Variants in LUZP2 observed in about 807,000 individuals in gnomAD.
The protein encoded by LUZP2 is leucine zipper protein 2.
In LUZP2, 52 loss-of-function variants were observed where a neutral mutation model predicts 51.6. That is an observed-to-expected ratio of 1.01 (90% confidence interval 0.81 to 1.27). LUZP2 has a LOEUF of 1.27. Among genes scored for constraint, LUZP2 ranks in the 50% most tolerant of loss-of-function variants. The probability of loss-of-function intolerance (pLI) is 0.00; values close to 1 mark genes in which losing one functional copy is unlikely to be tolerated. For synonymous variants in LUZP2, 154 were observed against 137.3 expected (o/e 1.12, Z -0.85); for missense variants, 436 against 395.4 (o/e 1.10, Z -0.87).
intron 10 of LUZP2, among the ~76,000 whole-genome samples, chr11:25,068,690 C>A (rs1446159): frequency 0.9 from 136,664 of 151,998 alleles, 62,430 homozygotes; most frequent in Non-Finnish European, 0.98. Flanking sequence ...TTCTTAGAAA[C>A]ATAGACATGT....
chr11:24,703,030 A>G (rs951597114), intron 1 of LUZP2, among the ~76,000 whole-genome samples: 32 of 152,324 alleles, frequency 2.1e-4, no homozygotes, highest in African/African-American at 7.2e-4. Flanking sequence ...GCAAGTTAAG[A>G]CAGAGGAGAC....
At chr11:24,780,703 T>C (rs1342574129) in intron 5 of LUZP2, among the ~76,000 whole-genome samples, 1 of 152,102 alleles carries the variant, frequency 6.6e-6, no homozygotes, top group Admixed American at 6.6e-5. Flanking sequence ...ATTATGTCAC[T>C]CAATTTGAAC....
chr11:24,967,437 A>T (rs1283220379), intron 7 of LUZP2, among the ~76,000 whole-genome samples: 2 of 151,682 alleles, frequency 1.3e-5, no homozygotes, highest in Admixed American at 1.3e-4. Context: ...TTCTTCATTA[A>T]ATTTTTTCCT....
At chr11:24,650,513 A>G (rs10742050) in intron 1 of LUZP2, among the ~76,000 whole-genome samples, 145,682 of 152,034 alleles carry the variant, frequency 0.96, 70,093 homozygotes, top group East Asian at 1. Context: ...AGTAATTGGA[A>G]GGAGATCTTC....
chr11:24,569,283 T>C (rs1852347977), intron 1 of LUZP2, among the ~76,000 whole-genome samples: 1 of 151,980 alleles, frequency 6.6e-6, no homozygotes, highest in African/African-American at 2.4e-5. Context: ...AAAAATTAAT[T>C]CAGCATATAG....
intron 7 of LUZP2, among the ~76,000 whole-genome samples, chr11:24,926,783 G>T (rs2133827224): frequency 6.6e-6 from 1 of 151,492 alleles, no homozygotes; most frequent in Admixed American, 6.6e-5. Flanking sequence ...TCAAATGGTA[G>T]ATCTACATTT....
chr11:24,870,484 C>CAA (rs759882414), intron 5 of LUZP2, among the ~76,000 whole-genome samples: 1 of 22,420 alleles, frequency 4.5e-5, no homozygotes, highest in Non-Finnish European at 9.6e-5. Flanking sequence ...CACACACACA[C>CAA]ACACAGACAC....
chr11:24,532,270 T>A (rs10834367), intron 1 of LUZP2, among the ~76,000 whole-genome samples: 28,630 of 138,934 alleles, frequency 0.21, 2,908 homozygotes, highest in African/African-American at 0.31. Flanking sequence ...TTTAAAAAAA[T>A]AAGAATAATT....
At chr11:24,522,191 T>A (rs1850661801) in intron 1 of LUZP2, among the ~76,000 whole-genome samples, 1 of 152,144 alleles carries the variant, frequency 6.6e-6, no homozygotes, top group Non-Finnish European at 1.5e-5. Context: ...GGACTCATCT[T>A]CTTTGTGTCT....
At chr11:25,001,520 G>T (rs1018430578) in intron 9 of LUZP2, among the ~76,000 whole-genome samples, 1 of 152,152 alleles carries the variant, frequency 6.6e-6, no homozygotes, top group African/African-American at 2.4e-5. Flanking sequence ...GCTATGGGTT[G>T]TCAGTGACCT....
At chr11:24,632,733 T>A (rs1056124520) in intron 1 of LUZP2, among the ~76,000 whole-genome samples, 3 of 151,780 alleles carry the variant, frequency 2.0e-5, no homozygotes, top group Admixed American at 6.6e-5. Flanking sequence ...CTGAACTTAA[T>A]CTCAAGAGGA....
chr11:24,727,807 A>T (rs1858535852), intron 1 of LUZP2, among the ~76,000 whole-genome samples: 1 of 151,950 alleles, frequency 6.6e-6, no homozygotes, highest in Non-Finnish European at 1.5e-5. Context: ...CCTTTTAATG[A>T]GAAGAATGTG....
At chr11:24,517,378 C>T (rs1203997574) in intron 1 of LUZP2, among the ~76,000 whole-genome samples, 3 of 145,878 alleles carry the variant, frequency 2.1e-5, no homozygotes, top group Admixed American at 7.1e-5. Context: ...CCCAGCTACT[C>T]GGGAGGCTGA....
intron 4 of LUZP2, among the ~76,000 whole-genome samples, chr11:24,744,225 T>A (rs1859289802): frequency 6.6e-6 from 1 of 152,214 alleles, no homozygotes; most frequent in African/African-American, 2.4e-5. Flanking sequence ...GCTGGCTTCA[T>A]AGAATAAATT....
chr11:24,938,765 T>C (rs1590753421), intron 7 of LUZP2, among the ~76,000 whole-genome samples: 2 of 152,206 alleles, frequency 1.3e-5, no homozygotes, highest in Non-Finnish European at 2.9e-5. Context: ...AGGAGTACGG[T>C]AGCAATCAAA....
At chr11:24,704,745 G>T (rs1473501067) in intron 1 of LUZP2, among the ~76,000 whole-genome samples, 1 of 152,058 alleles carries the variant, frequency 6.6e-6, no homozygotes, top group Non-Finnish European at 1.5e-5. Context: ...ATCAAATTTT[G>T]TGTTGAATAG....
chr11:24,837,068 A>AG (rs1850882282), intron 5 of LUZP2, among the ~76,000 whole-genome samples: 1 of 151,568 alleles, frequency 6.6e-6, no homozygotes, highest in South Asian at 2.1e-4. Context: ...GGTTGGTAGA[A>AG]TTATGTCCTT....
At chr11:24,731,389 C>T (rs553490477) in intron 2 of LUZP2, among the ~76,000 whole-genome samples, 133 of 151,652 alleles carry the variant, frequency 8.8e-4, no homozygotes, top group African/African-American at 3.1e-3. Context: ...CAAGAATGAC[C>T]GGTTACCCTA....
intron 1 of LUZP2, among the ~76,000 whole-genome samples, chr11:24,699,782 A>T (rs1590365604): frequency 6.7e-6 from 1 of 148,932 alleles, no homozygotes; most frequent in East Asian, 1.9e-4. Context: ...ATATAAATAT[A>T]TAATTTGGGA....
Sources: allele counts gnomAD v4.1 joint callset (sites outside exome capture counted in the v4.1 genomes callset), GRCh38; gene constraint gnomAD v4.1.1; transcripts MANE v1.5; gene names NCBI Gene and HGNC (gene_info 2026-07-23, HGNC 2026-07-21).